KALRN: variants seen among roughly 807,000 people sequenced by gnomAD.
KALRN encodes the protein kalirin.
A neutral mutation model predicts 353.7 loss-of-function variants in KALRN; 70 were observed. The ratio of observed to expected loss-of-function variants is 0.20; its 90% CI spans 0.16 to 0.24. The LOEUF (loss-of-function observed/expected upper bound fraction) is 0.24, where lower values mean the gene tolerates loss of function less well. Ranked by LOEUF, KALRN falls within the 10% of genes least tolerant of loss-of-function variation. KALRN has a pLI of 1.00. For missense variants in KALRN, 2,791 were observed against 3,756.7 expected, an observed-to-expected ratio of 0.74 and a Z score of 6.72; for synonymous variants, 1,391 against 1,434.8, an observed-to-expected ratio of 0.97 and a Z score of 0.69.
At chr3:124,695,116 G>A (rs1005179678) in intron 53 of KALRN, among the ~76,000 whole-genome samples, 2 of 151,940 alleles carry the variant, frequency 1.3e-5, no homozygotes, top group Non-Finnish European at 2.9e-5. Flanking sequence ...TAAGAACAGT[G>A]TTATTAGAAA....
intron 1 of KALRN, among the ~76,000 whole-genome samples, chr3:124,133,318 A>G (rs920534449): frequency 1.3e-5 from 2 of 152,102 alleles, no homozygotes; most frequent in Non-Finnish European, 2.9e-5. Context: ...AAACAAAACA[A>G]CAACCTTCCT....
intron 6 of KALRN, among the ~76,000 whole-genome samples, chr3:124,301,327 T>C (rs1324310498): frequency 6.6e-6 from 1 of 152,174 alleles, no homozygotes; most frequent in South Asian, 2.1e-4. Context: ...AGGGAGGAAA[T>C]TTACTGAAGG....
intron 7 of KALRN, among the ~76,000 whole-genome samples, chr3:124,329,490 T>A (rs544667128): frequency 6.6e-6 from 1 of 152,294 alleles, no homozygotes; most frequent in South Asian, 2.1e-4. Context: ...GCCCCTCACG[T>A]GTGCCTGTGA....
In KALRN at chr3:124,486,300, T is replaced by C. The variant is rs142067560; in HGVS notation, c.4285-1904T>C. Reference sequence around the variant, plus strand: ...GTTTTCTGTCACAAATTGAAGCATATTTCTTGTTTTTTCTCTTATGTTTTG... The same window carrying C: ...GTTTTCTGTCACAAATTGAAGCATACTTCTTGTTTTTTCTCTTATGTTTTG... On this transcript the variant is annotated intron_variant, in intron 28 of 59. Transcript: ENST00000682506. 7.5e-4 allele frequency among the ~76,000 whole-genome samples: 114 copies of C among 152,302 alleles called. 1 individual carries two copies. The highest frequency in any genetic ancestry group is 1.6e-3 in the Non-Finnish European group (107 of 68,026).
At chr3:124,678,521 C>T in intron 50 of KALRN, 1 of 451,830 alleles carries the variant, frequency 2.2e-6, no homozygotes, top group Non-Finnish European at 4.0e-6. Context: ...AAGTAAGTAC[C>T]TTTTTTTTCT....
At chr3:124,492,346 G>T (rs2108462640) in intron 31 of KALRN, among the ~76,000 whole-genome samples, 1 of 150,098 alleles carries the variant, frequency 6.7e-6, no homozygotes, top group South Asian at 2.1e-4. Flanking sequence ...CATACTGATT[G>T]GGAAGTAGAT....
chr3:124,602,155 T>C (rs1395908477), intron 34 of KALRN, among the ~76,000 whole-genome samples: 1 of 152,140 alleles, frequency 6.6e-6, no homozygotes, highest in Non-Finnish European at 1.5e-5. Flanking sequence ...AAATATACTA[T>C]TGGTTAGATT....
intron 34 of KALRN, among the ~76,000 whole-genome samples, chr3:124,607,686 G>A (rs940644591): frequency 5.9e-5 from 9 of 152,018 alleles, no homozygotes; most frequent in East Asian, 1.9e-4. Flanking sequence ...GCACAATCTC[G>A]GATCACTGCA....
intron 10 of KALRN, among the ~76,000 whole-genome samples, chr3:124,379,752 T>A (rs755571403): frequency 6.6e-6 from 1 of 152,212 alleles, no homozygotes; most frequent in Non-Finnish European, 1.5e-5. Flanking sequence ...TAGCCTCAGG[T>A]AGTTTCCTCA....
intron 6 of KALRN, among the ~76,000 whole-genome samples, chr3:124,325,222 A>G (rs1186621799): frequency 6.6e-6 from 1 of 152,222 alleles, no homozygotes. Context: ...ACAGGAGACA[A>G]TGGATCAAGA....
intron 34 of KALRN, among the ~76,000 whole-genome samples, chr3:124,619,279 T>C (rs757967674): frequency 6.6e-6 from 1 of 152,188 alleles, no homozygotes; most frequent in Non-Finnish European, 1.5e-5. Flanking sequence ...ATTGTCTGTG[T>C]ATATAAATAC....
chr3:124,399,840 T>C (rs1398780593), intron 13 of KALRN, among the ~76,000 whole-genome samples: 1 of 152,202 alleles, frequency 6.6e-6, no homozygotes, highest in African/African-American at 2.4e-5. Flanking sequence ...AATTTCCCCC[T>C]TTTAATATTT....
chr3:124,355,946 C>T lies in KALRN; in HGVS notation c.1770+8681C>T, dbSNP rs570084973. ...GCCAGGCTGGTCTCGAACTCCTGAC[C>T]TCAAATGATCCACCTGCCTTGGCCT... On this transcript the variant is annotated intron_variant, in intron 10 of 59. Coordinates refer to ENST00000682506, the MANE Select transcript of KALRN (RefSeq NM_001388419.1). Among the ~76,000 whole-genome samples, 195 of 152,098 alleles carry T rather than the reference C, an allele frequency of 1.3e-3. 2 individuals carry two copies. The highest frequency in any genetic ancestry group is 4.7e-3 in the African/African-American group (193 of 41,484).
chr3:124,383,180 C>T (rs1313568296), intron 10 of KALRN, among the ~76,000 whole-genome samples: 3 of 152,198 alleles, frequency 2.0e-5, no homozygotes, highest in Non-Finnish European at 4.4e-5. Context: ...CCTGAGGCCT[C>T]TCTCCAAATT....
chr3:124,624,387 T>A (rs1180855097), intron 34 of KALRN, among the ~76,000 whole-genome samples: 2 of 152,238 alleles, frequency 1.3e-5, no homozygotes, highest in Non-Finnish European at 2.9e-5. Flanking sequence ...ATTTATAAAT[T>A]AAACTTTATC....
chr3:124,329,405 T>C (rs1009019754), intron 7 of KALRN, among the ~76,000 whole-genome samples: 2 of 152,056 alleles, frequency 1.3e-5, no homozygotes, highest in African/African-American at 4.8e-5. Context: ...GTGTGAGGTG[T>C]TTTTTGCTTG....
At chr3:124,094,977 G>A (rs564226037) in intron 1 of KALRN, 3 of 1,409,204 alleles carry the variant, frequency 2.1e-6, no homozygotes, top group East Asian at 2.3e-5. Context: ...AAAGAGACAT[G>A]CAGAAAGACA....
chr3:124,141,662 C>G (rs975966062), intron 1 of KALRN, among the ~76,000 whole-genome samples: 1 of 152,210 alleles, frequency 6.6e-6, no homozygotes, highest in African/African-American at 2.4e-5. Context: ...TTCCATAGCA[C>G]TTGGCACAAT....
intron 34 of KALRN, among the ~76,000 whole-genome samples, chr3:124,569,975 G>A (rs1179087688): frequency 6.6e-6 from 1 of 152,184 alleles, no homozygotes; most frequent in African/African-American, 2.4e-5. Context: ...ATAGCGGCCT[G>A]CCAACCCCTG....
Sources: gnomAD v4.1 joint callset for allele counts (sites outside exome capture counted in the v4.1 genomes callset) on GRCh38, gnomAD v4.1.1 for gene constraint, MANE v1.5 for transcripts, NCBI Gene and HGNC (gene_info 2026-07-23, HGNC 2026-07-21) for gene names.